The following DOHH variants were observed in gnomAD, a reference collection of about 807,000 sequenced individuals.
The protein encoded by DOHH is HEAT-like (PBS lyase) repeat containing 1.
A neutral mutation model predicts 19.9 loss-of-function variants in DOHH; 16 were observed. That is an observed-to-expected ratio of 0.80 (90% CI 0.54 to 1.22). The LOEUF is 1.22. Among genes scored for constraint, DOHH ranks in the 50% most tolerant of loss-of-function variants. The pLI, the probability that DOHH is intolerant of heterozygous loss-of-function variation, is 0.00. For synonymous variants in DOHH, 233 were observed against 217.0 expected, an observed-to-expected ratio of 1.07 and a Z score of -0.65; for missense variants, 460 against 460.6, an observed-to-expected ratio of 1.00 and a Z score of 0.01.
rs551558224 is a variant in DOHH, at chr19:3,499,526, G to A, written c.-73+1035C>T. ...GGTGGCTCACGCCTGTAATCCCAGCGCTTTGGGAGGCCGAGGTGGACAGAC... is the reference window on the plus strand; with the variant it reads ...GGTGGCTCACGCCTGTAATCCCAGCACTTTGGGAGGCCGAGGTGGACAGAC... On this transcript the variant is annotated intron_variant, in intron 1 of 4. Coordinates refer to ENST00000427575, the MANE Select transcript of DOHH (RefSeq NM_001145165.2). 2.6e-5 allele frequency among the ~76,000 whole-genome samples: 4 copies of A among 152,048 alleles called. No individual in the cohort carries two copies. In the East Asian group the frequency reaches 5.8e-4, roughly 22 times the overall value.
chr19:3,496,706 G>C lies in DOHH; in HGVS notation c.109C>G (p.Pro37Ala), dbSNP rs766767851. The change falls in exon 2 of 5, where the codon CCA becomes GCA. Residue 37 changes from proline (P) to alanine (A), a missense_variant. By Grantham distance (27) the Pro-to-Ala change is conservative. Transcript: ENST00000427575. The surrounding 1 kb of genome is among the most constrained non-coding windows in gnomAD (Gnocchi z 4.8). ...TGGCTGATCCATGCAATGGCGCCTG[G>C]GCCGCCGAGCCCACGCAGCGTGAAC... ...ALFTLRGLGGPGAIAWISQAF... is the reference protein window; with the variant it reads ...ALFTLRGLGGAGAIAWISQAF... 3 of 1,613,512 alleles carry C rather than the reference G, an allele frequency of 1.9e-6. No homozygotes were observed. The South Asian group carries it at 3.3e-5, about 18-fold the overall frequency.
intron 1 of DOHH, among the ~76,000 whole-genome samples, 156 bp from the exon 2 acceptor site, chr19:3,497,042 C>T (rs1779947342): frequency 6.6e-6 from 1 of 152,204 alleles, no homozygotes; most frequent in Non-Finnish European, 1.5e-5. Context: ...GTGCAGCCTT[C>T]CGTAAGTTGC....
At position 3,490,948 on chromosome 19, in the gene DOHH, T is replaced by TG. The variant is rs1420661526; in HGVS notation, c.*543dup. 2 of 168,464 alleles carry TG rather than the reference T, an allele frequency of 1.2e-5. No individual in the cohort carries two copies. The highest frequency in any genetic ancestry group is 2.4e-5 in the African/African-American group (1 of 41,348). The allele number at this position is 168,464 out of a possible 1,614,324, so 10.4% of individuals were successfully genotyped here. A position where few individuals can be genotyped will look rare whatever the true frequency, so the allele number is the denominator to read the frequency against. On this transcript the variant is annotated 3_prime_UTR_variant, in exon 5 of 5. Transcript: ENST00000427575. ...CCCTGTCCCTACCCAGGCCTCGGGG[T>TG]GGGGGAGTCAGAGGCCCCCAGACCC...
rs1236039236 is a variant in DOHH, at chr19:3,492,463, C to T, written c.388G>A (p.Glu130Lys). The T allele has an allele frequency of 3.5e-6, 5 of 1,431,134 alleles. No individual in the cohort carries two copies. The highest frequency in any genetic ancestry group is 3.6e-6 in the Non-Finnish European group (4 of 1,099,326). The allele number at this position is 1,431,134 out of a possible 1,614,324, so 88.7% of individuals were successfully genotyped here. A position where few individuals can be genotyped will look rare whatever the true frequency, so the allele number is the denominator to read the frequency against. Reference sequence around the variant, plus strand: ...TCCCCGCCGTGCTGCTGCAGCCACTCCAGCCTGCGCACGGCCAGCTGGCAG... The same window carrying T: ...TCCCCGCCGTGCTGCTGCAGCCACTTCAGCCTGCGCACGGCCAGCTGGCAG... ...ETCQLAVRRL[E>K]WLQQHGGEPA... Residue 130 changes from glutamate to lysine, a missense_variant, in exon 4 of 5, where the codon GAG becomes AAG. By Grantham distance (56) the Glu-to-Lys change is moderately conservative. Coordinates refer to ENST00000427575, the MANE Select transcript of DOHH (RefSeq NM_001145165.2).
intron 1 of DOHH, among the ~76,000 whole-genome samples, chr19:3,498,536 T>C (rs910038300): frequency 2.0e-5 from 3 of 151,816 alleles, no homozygotes; most frequent in Admixed American, 2.0e-4. Context: ...CTCCCGAGTA[T>C]CTGGGATTAT....
At chr19:3,498,974 G>A (rs2082929709) in intron 1 of DOHH, among the ~76,000 whole-genome samples, 1 of 152,164 alleles carries the variant, frequency 6.6e-6, no homozygotes, top group Non-Finnish European at 1.5e-5. Flanking sequence ...TAAGTCTTTA[G>A]ATGGATGCTC....
rs2082906999 is a variant in DOHH, at chr19:3,496,317, G to A, written c.274+224C>T. 1.3e-5 allele frequency among the ~76,000 whole-genome samples: 2 copies of A among 152,220 alleles called. No individual in the cohort carries two copies. Among genetic ancestry groups the A allele is most frequent in the African/African-American group, 4.8e-5 (2 of 41,464 alleles). ...CTGAGCCACCGCCCCCTGCCCAGTT[G>A]AGGTTGTCTGGGCACACAGCCTTAG... On this transcript the variant is annotated intron_variant, in intron 2 of 4. Coordinates refer to ENST00000427575, the MANE Select transcript of DOHH (RefSeq NM_001145165.2). The surrounding 1 kb of genome is among the most constrained non-coding windows in gnomAD (Gnocchi z 4.8).
intron 1 of DOHH, among the ~76,000 whole-genome samples, chr19:3,497,328 A>G (rs2082916174): frequency 6.6e-6 from 1 of 152,270 alleles, no homozygotes; most frequent in South Asian, 2.1e-4. Context: ...CATAAAAAGC[A>G]CAACAGTCTC....
Position 3,491,863 on chromosome 19 carries a change from T to C in DOHH, c.590-52A>G. On this transcript the variant is annotated intron_variant, in intron 4 of 4. Coordinates refer to ENST00000427575, the MANE Select transcript of DOHH (RefSeq NM_001145165.2). This position sits in a 1 kb window ranked among gnomAD's most constrained non-coding sequence, Gnocchi z 5.6. ...GGCCAGGAGGGGTGGGAAGGGGAGC[T>C]CTGTCTTTTCGAAGACATGGGGTCT... 3 of 1,396,316 alleles carry C rather than the reference T, an allele frequency of 2.1e-6. No homozygotes were observed. Among genetic ancestry groups the C allele is most frequent in the Non-Finnish European group, 2.8e-6 (3 of 1,072,540 alleles). The allele number at this position is 1,396,316 out of a possible 1,614,324, so 86.5% of individuals were successfully genotyped here.
At position 3,492,503 on chromosome 19, in the gene DOHH, C is replaced by A; in HGVS notation, c.352-4G>T. 1.5e-6 allele frequency: 2 copies of A among 1,374,660 alleles called. No homozygotes were observed. The highest frequency in any genetic ancestry group is 1.9e-6 in the Non-Finnish European group (2 of 1,070,538). 85.2% of individuals were successfully genotyped at this position (1,374,660 alleles called of 1,614,324 possible). A position where few individuals can be genotyped will look rare whatever the true frequency, so the allele number is the denominator to read the frequency against. On this transcript the variant is annotated splice_region_variant and splice_polypyrimidine_tract_variant and intron_variant, in intron 3 of 4. Transcript: ENST00000427575. ...CCAGCTGGCAGGTCTCGGCCACCTG[C>A]GGGGAGGGGGTATCAGGCAGCGGGT...
rs1297506073 is a variant in DOHH, at chr19:3,500,580, AC to A, written c.-93del. 1.3e-5 allele frequency: 2 copies of A among 152,122 alleles called. No individual in the cohort carries two copies. Among genetic ancestry groups the A allele is most frequent in the Admixed American group, 1.3e-4 (2 of 15,286 alleles). The allele number at this position is 152,122 out of a possible 1,614,324, so 9.4% of individuals were successfully genotyped here. On this transcript the variant is annotated 5_prime_UTR_variant, in exon 1 of 5. Transcript: ENST00000427575. ...CCTCACCGAGCTCTGGAGACTCAGG[AC>A]CCGTCGGCCCGGCCAGTAACCGCAG...
At position 3,491,442 on chromosome 19, in the gene DOHH, G is replaced by A. The variant is rs1568219840; in HGVS notation, c.*50C>T. The stretch of plus-strand genomic sequence containing the variant: ...GTTTAGACGCCAAAGCTCTGCGGGG[G>A]AGGAGCGGCCCTCAAGAGTCCTCCG... On this transcript the variant is annotated 3_prime_UTR_variant, in exon 5 of 5. Transcript: ENST00000427575. This position sits in a 1 kb window ranked among gnomAD's most constrained non-coding sequence, Gnocchi z 5.6. The A allele has an allele frequency of 2.0e-6, 3 of 1,493,994 alleles. No homozygotes were observed. The highest frequency in any genetic ancestry group is 2.7e-6 in the Non-Finnish European group (3 of 1,125,250). The allele number at this position is 1,493,994 out of a possible 1,614,324, so 92.5% of individuals were successfully genotyped here.
At chr19:3,495,630 C>T (rs12979636) in intron 2 of DOHH, among the ~76,000 whole-genome samples, 2 of 152,068 alleles carry the variant, frequency 1.3e-5, no homozygotes, top group African/African-American at 2.4e-5. Flanking sequence ...GGGTTTAAGG[C>T]GGGGTGCGAT....
intron 1 of DOHH, among the ~76,000 whole-genome samples, chr19:3,498,174 T>G (rs2082923936): frequency 6.6e-6 from 1 of 152,142 alleles, no homozygotes; most frequent in Non-Finnish European, 1.5e-5. Flanking sequence ...CTAGGGCCTT[T>G]GCATTTGCTG....
Position 3,496,726 on chromosome 19 carries a change from G to A in DOHH, c.89C>T (p.Thr30Met), listed in dbSNP as rs368504297. 23 of 1,612,664 alleles carry A rather than the reference G, an allele frequency of 1.4e-5. No individual in the cohort carries two copies. Among genetic ancestry groups the A allele is most frequent in the East Asian group, 4.5e-5 (2 of 44,890 alleles). ...GCCTGGGCCGCCGAGCCCACGCAGC[G>A]TGAACAGCGCCCGGAAGCGGGCCTG... is the stretch of plus-strand genomic sequence containing the variant. ...PLQARFRALFTLRGLGGPGAI... is the reference protein window; with the variant it reads ...PLQARFRALFMLRGLGGPGAI... Residue 30 changes from threonine (T) to methionine (M), a missense_variant, in exon 2 of 5, where the codon ACG (threonine) becomes ATG (methionine). Thr to Met is a moderately conservative substitution (Grantham distance 81). Coordinates refer to ENST00000427575, the MANE Select transcript of DOHH (RefSeq NM_001145165.2). This position sits in a 1 kb window ranked among gnomAD's most constrained non-coding sequence, Gnocchi z 4.8.
intron 3 of DOHH, among the ~76,000 whole-genome samples, chr19:3,493,536 G>A (rs985531839): frequency 3.3e-5 from 5 of 152,156 alleles, no homozygotes; most frequent in African/African-American, 1.2e-4. Context: ...CATGAACCTG[G>A]GAAGCAGAGC....
intron 1 of DOHH, among the ~76,000 whole-genome samples, chr19:3,497,792 T>C (rs1436621836): frequency 1.3e-5 from 2 of 149,284 alleles, no homozygotes; most frequent in Non-Finnish European, 1.5e-5. Context: ...GCCCAGCTAA[T>C]TTTTTTTTTA....
At position 3,491,971 on chromosome 19, in the gene DOHH, C is replaced by G. The variant is rs1395908669; in HGVS notation, c.590-160G>C. The stretch of plus-strand genomic sequence containing the variant: ...AAAGTGCTGGGACGACAGGCGTGAG[C>G]CACCACGCCCAACCTGGGGTGTTCT... On this transcript the variant is annotated intron_variant, in intron 4 of 4. Transcript: ENST00000427575. The surrounding 1 kb of genome is among the most constrained non-coding windows in gnomAD (Gnocchi z 5.6). 6.6e-6 allele frequency among the ~76,000 whole-genome samples: 1 copy of G among 152,180 alleles called. No homozygotes were observed. Among genetic ancestry groups the G allele is most frequent in the Non-Finnish European group, 1.5e-5 (1 of 68,012 alleles).
chr19:3,498,630 C>T (rs541517224), intron 1 of DOHH, among the ~76,000 whole-genome samples: 52 of 152,272 alleles, frequency 3.4e-4, no homozygotes, highest in African/African-American at 1.2e-3. Context: ...GTCTCGAACT[C>T]CCAACCTCAG....
Sources: gnomAD v4.1 joint callset for allele counts (sites outside exome capture counted in the v4.1 genomes callset) on GRCh38, gnomAD v4.1.1 for gene constraint, Gnocchi (gnomAD v3.1) non-coding constraint, MANE v1.5 for transcripts, NCBI Gene and HGNC (gene_info 2026-07-23, HGNC 2026-07-21) for gene names.